Variants in NAALADL2 observed in about 807,000 individuals in gnomAD.
The protein encoded by NAALADL2 is N-acetylated alpha-linked acidic dipeptidase like 2.
NAALADL2 carries 76 observed loss-of-function variants against 87.2 expected under a neutral mutation model. The observed-to-expected ratio is 0.87, with a 90% confidence interval of 0.72 to 1.05. The LOEUF is 1.05. NAALADL2 is among the 50% of genes least tolerant of loss of function. NAALADL2 has a pLI of 0.00. For missense variants in NAALADL2, 1,089 were observed against 945.8 expected, an observed-to-expected ratio of 1.15 and a Z score of -1.99; for synonymous variants, 354 against 331.0, an observed-to-expected ratio of 1.07 and a Z score of -0.75.
At chr3:174,659,900 T>C (rs557407539) in intron 2 of NAALADL2, among the ~76,000 whole-genome samples, 1 of 152,214 alleles carries the variant, frequency 6.6e-6, no homozygotes, top group South Asian at 2.1e-4. Flanking sequence ...ATCAGTTCCC[T>C]TAGTCCTGCC....
chr3:174,549,521 T>A (rs980162139), intron 1 of NAALADL2, among the ~76,000 whole-genome samples: 1 of 152,198 alleles, frequency 6.6e-6, no homozygotes, highest in Non-Finnish European at 1.5e-5. Context: ...TCTCATTTGT[T>A]TATTCAATAA....
intron 5 of NAALADL2, among the ~76,000 whole-genome samples, chr3:175,442,089 C>T (rs532527170): frequency 1.1e-4 from 16 of 152,062 alleles, no homozygotes; most frequent in East Asian, 9.7e-4. Flanking sequence ...GGACTACAGG[C>T]GCATGCCACC....
intron 3 of NAALADL2, among the ~76,000 whole-genome samples, chr3:175,247,800 A>G (rs185019095): frequency 6.6e-6 from 1 of 152,328 alleles, no homozygotes; most frequent in Admixed American, 6.5e-5. Flanking sequence ...CCTGGTAGAA[A>G]AGATGAAGTC....
chr3:174,811,636 C>T (rs776958125), intron 3 of NAALADL2, among the ~76,000 whole-genome samples: 10 of 152,030 alleles, frequency 6.6e-5, no homozygotes, highest in Admixed American at 1.3e-4. Flanking sequence ...GGACTAGGCT[C>T]GTCTCAGATG....
intron 2 of NAALADL2, among the ~76,000 whole-genome samples, chr3:174,659,347 T>C (rs1172773192): frequency 2.0e-5 from 3 of 152,220 alleles, no homozygotes; most frequent in African/African-American, 4.8e-5. Flanking sequence ...TGTATGAATA[T>C]ATTAGAAATG....
intron 1 of NAALADL2, among the ~76,000 whole-genome samples, chr3:175,043,910 A>G (rs1754378009): frequency 6.6e-6 from 1 of 152,216 alleles, no homozygotes; most frequent in African/African-American, 2.4e-5. Flanking sequence ...TATTTTTATC[A>G]TAAATGCCAT....
intron 13 of NAALADL2, among the ~76,000 whole-genome samples, chr3:175,764,005 G>A (rs1048419662): frequency 2.6e-5 from 4 of 152,080 alleles, no homozygotes; most frequent in Non-Finnish European, 4.4e-5. Flanking sequence ...ATGAGCCAGT[G>A]TCTAATTCTG....
intron 2 of NAALADL2, among the ~76,000 whole-genome samples, chr3:174,716,079 C>A (rs1196869058): frequency 6.6e-6 from 1 of 152,048 alleles, no homozygotes; most frequent in Non-Finnish European, 1.5e-5. Flanking sequence ...TACTTTTATT[C>A]TTCCTGTGAC....
At chr3:175,535,552 C>G (rs1428002809) in intron 9 of NAALADL2, among the ~76,000 whole-genome samples, 1 of 152,210 alleles carries the variant, frequency 6.6e-6, no homozygotes, top group Non-Finnish European at 1.5e-5. Context: ...CTTTCTGTCT[C>G]AATCTCAAAT....
intron 2 of NAALADL2, among the ~76,000 whole-genome samples, chr3:174,553,242 T>C (rs1465856505): frequency 6.6e-6 from 1 of 152,144 alleles, no homozygotes; most frequent in East Asian, 1.9e-4. Context: ...AAATGGCAAA[T>C]GTTATAATAA....
intron 2 of NAALADL2, among the ~76,000 whole-genome samples, chr3:175,142,840 G>A (rs1422537009): frequency 6.6e-6 from 1 of 151,922 alleles, no homozygotes; most frequent in Middle Eastern, 3.2e-3. Flanking sequence ...TATTTGAAGA[G>A]GGATATGAAT....
At chr3:175,656,825 G>T (rs1229988391) in intron 11 of NAALADL2, among the ~76,000 whole-genome samples, 1 of 152,032 alleles carries the variant, frequency 6.6e-6, no homozygotes, top group Non-Finnish European at 1.5e-5. Context: ...TCTCCTGAAA[G>T]CAAATTTTTT....
chr3:175,299,289 TTTTTTG>T (rs973870510), intron 4 of NAALADL2, among the ~76,000 whole-genome samples: 2 of 152,110 alleles, frequency 1.3e-5, no homozygotes, highest in African/African-American at 4.8e-5. Flanking sequence ...TAAAGTAGTT[TTTTTTG>T]TTTTTGTTTT....
intron 11 of NAALADL2, among the ~76,000 whole-genome samples, chr3:175,721,676 A>G (rs1362214217): frequency 1.3e-5 from 2 of 152,144 alleles, no homozygotes; most frequent in Non-Finnish European, 2.9e-5. Context: ...GAAGAAATCA[A>G]TACATCTACT....
chr3:175,465,963 A>G (rs999987039), intron 7 of NAALADL2, among the ~76,000 whole-genome samples: 2 of 152,214 alleles, frequency 1.3e-5, no homozygotes, highest in Non-Finnish European at 2.9e-5. Flanking sequence ...TACAAACAGT[A>G]ACTCCTAAAA....
chr3:175,618,759 T>C (rs566928881), intron 10 of NAALADL2, among the ~76,000 whole-genome samples: 1 of 152,138 alleles, frequency 6.6e-6, no homozygotes, highest in Admixed American at 6.5e-5. Flanking sequence ...CCCAGGAATG[T>C]GAGTGCGAAT....
intron 1 of NAALADL2, among the ~76,000 whole-genome samples, chr3:174,954,486 T>C (rs888236638): frequency 7.2e-5 from 11 of 152,048 alleles, no homozygotes; most frequent in Non-Finnish European, 1.3e-4. Context: ...GGATATCCTA[T>C]GAAAAAGAAT....
intron 2 of NAALADL2, among the ~76,000 whole-genome samples, chr3:174,731,493 ATAAT>A (rs1367318198): frequency 6.6e-6 from 1 of 152,170 alleles, no homozygotes; most frequent in African/African-American, 2.4e-5. Flanking sequence ...CTGGTGAAAC[ATAAT>A]TAATATATTT....
chr3:174,553,374 G>A (rs984715637), intron 2 of NAALADL2, among the ~76,000 whole-genome samples: 1 of 152,154 alleles, frequency 6.6e-6, no homozygotes, highest in Admixed American at 6.5e-5. Flanking sequence ...AACTGGAAGT[G>A]ACCATAGGTT....
Sources: gnomAD v4.1 joint callset for allele counts (sites outside exome capture counted in the v4.1 genomes callset) on GRCh38, gnomAD v4.1.1 for gene constraint, MANE v1.5 for transcripts, NCBI Gene and HGNC (gene_info 2026-07-23, HGNC 2026-07-21) for gene names.